Variants in APLF observed in about 807,000 individuals in gnomAD.
APLF encodes the protein aprataxin and PNK-like factor.
APLF carries 61 observed loss-of-function variants against 55.6 expected under a neutral mutation model. That is an observed-to-expected ratio of 1.10 (90% CI 0.89 to 1.36). The LOEUF (loss-of-function observed/expected upper bound fraction) is 1.36, where lower values mean the gene tolerates loss of function less well. Ranked by LOEUF, APLF falls within the 40% of genes most tolerant of loss-of-function variation. APLF has a pLI of 0.00. For missense variants in APLF, 611 were observed against 602.5 expected (o/e 1.01, Z -0.15); for synonymous variants, 207 against 214.8 (o/e 0.96, Z 0.32).
intron 6 of APLF, among the ~76,000 whole-genome samples, chr2:68,534,735 A>G (rs1165201038): frequency 6.6e-6 from 1 of 152,190 alleles, no homozygotes; most frequent in African/African-American, 2.4e-5. Context: ...TGTAAGAAAT[A>G]AGCAATGTGG....
At chr2:68,571,737 G>A (rs1029398751) in intron 9 of APLF, among the ~76,000 whole-genome samples, 21 of 151,998 alleles carry the variant, frequency 1.4e-4, no homozygotes, top group Admixed American at 7.9e-4. Flanking sequence ...GATGCCTCCA[G>A]CTTTGTTCTT....
chr2:68,483,371 A>C (rs79639954), intron 1 of APLF, among the ~76,000 whole-genome samples: 1 of 152,178 alleles, frequency 6.6e-6, no homozygotes, highest in East Asian at 1.9e-4. Context: ...GCTCCCAGCC[A>C]GTCTCACTGG....
chr2:68,496,949 T>C (rs1272511846), intron 2 of APLF, among the ~76,000 whole-genome samples: 1 of 152,234 alleles, frequency 6.6e-6, no homozygotes, highest in Non-Finnish European at 1.5e-5. Context: ...TCCAAACTTT[T>C]CTAACTGCTG....
At chr2:68,485,386 T>G (rs1352156754) in intron 1 of APLF, among the ~76,000 whole-genome samples, 1 of 152,166 alleles carries the variant, frequency 6.6e-6, no homozygotes, top group Non-Finnish European at 1.5e-5. Flanking sequence ...TTGTTGAAAA[T>G]ATTAAGTAGG....
chr2:68,472,008 C>T (rs1404945555), intron 1 of APLF, among the ~76,000 whole-genome samples: 1 of 152,106 alleles, frequency 6.6e-6, no homozygotes, highest in Admixed American at 6.5e-5. Context: ...GGCAGGACAA[C>T]CCAAAGCAGG....
chr2:68,544,428 C>A (rs568565044), intron 7 of APLF, among the ~76,000 whole-genome samples: 1 of 152,150 alleles, frequency 6.6e-6, no homozygotes, highest in East Asian at 1.9e-4. Flanking sequence ...GCATGAGAAG[C>A]CAAATGCCTT....
At chr2:68,478,132 A>C (rs1675836591) in intron 1 of APLF, among the ~76,000 whole-genome samples, 1 of 152,134 alleles carries the variant, frequency 6.6e-6, no homozygotes, top group Non-Finnish European at 1.5e-5. Flanking sequence ...TGATACTGGA[A>C]GTTCTCCCAA....
chr2:68,502,859 C>T lies in APLF; in HGVS notation c.297C>T (p.Arg99=), dbSNP rs766325302. Residue 99 remains arginine, a synonymous_variant, in exon 3 of 10, where the codon CGC becomes CGT. Coordinates refer to ENST00000303795, the MANE Select transcript of APLF (RefSeq NM_173545.3). ...TGTTAGTTGACAAATACATTTTCCG[C>T]ATTCTCTCTATACCCTCTGAAGTGG... is the stretch of plus-strand genomic sequence containing the variant. ...FSLLVDKYIF[R]ILSIPSEVEM... The T allele has an allele frequency of 2.1e-5, 34 of 1,606,598 alleles. 1 individual carries two copies. Among genetic ancestry groups the T allele is most frequent in the Non-Finnish European group, 2.4e-5 (28 of 1,177,478 alleles).
At chr2:68,542,612 A>C (rs1380044872) in intron 7 of APLF, among the ~76,000 whole-genome samples, 1 of 152,152 alleles carries the variant, frequency 6.6e-6, no homozygotes, top group East Asian at 1.9e-4. Context: ...ATCACCTCAC[A>C]CCTATTAGGG....
chr2:68,478,452 T>C (rs747875958), intron 1 of APLF, among the ~76,000 whole-genome samples: 1 of 152,184 alleles, frequency 6.6e-6, no homozygotes, highest in Non-Finnish European at 1.5e-5. Context: ...GACTCTAATA[T>C]GATTCAAGAA....
At chr2:68,565,554 CATAG>C (rs1312052935) in intron 8 of APLF, among the ~76,000 whole-genome samples, 77 of 151,448 alleles carry the variant, frequency 5.1e-4, no homozygotes, top group Middle Eastern at 3.4e-3. Flanking sequence ...TACATACATA[CATAG>C]ATAAAAGAAG....
chr2:68,540,163 C>T lies in APLF; in HGVS notation c.1160+1936C>T, dbSNP rs370403308. 1.1e-4 allele frequency among the ~76,000 whole-genome samples: 17 copies of T among 152,040 alleles called. 1 individual carries two copies. The East Asian group carries it at 1.6e-3, about 14-fold the overall frequency. On this transcript the variant is annotated intron_variant, in intron 7 of 9. Transcript: ENST00000303795. ...TCTCCTAATGCTATCCCTCCCCTTG[C>T]CCCCACCCCTCAACAGGCACCAGTA...
chr2:68,523,860 T>C (rs1007842460), intron 5 of APLF, among the ~76,000 whole-genome samples: 4 of 151,914 alleles, frequency 2.6e-5, no homozygotes, highest in African/African-American at 9.7e-5. Flanking sequence ...TTTTATATAC[T>C]CTTTGTGAAG....
chr2:68,523,423 G>C (rs1669948418), intron 5 of APLF, among the ~76,000 whole-genome samples: 3 of 151,864 alleles, frequency 2.0e-5, no homozygotes, highest in Admixed American at 2.0e-4. Flanking sequence ...CTTTGATCCA[G>C]AAATTGCAAT....
chr2:68,553,035 A>C (rs1215337783), intron 8 of APLF, among the ~76,000 whole-genome samples: 2 of 152,062 alleles, frequency 1.3e-5, no homozygotes, highest in African/African-American at 4.8e-5. Context: ...AGAAAGATTA[A>C]ATGAGCTGTG....
intron 3 of APLF, among the ~76,000 whole-genome samples, chr2:68,509,623 C>T (rs1676982968): frequency 6.6e-6 from 1 of 152,044 alleles, no homozygotes; most frequent in African/African-American, 2.4e-5. Flanking sequence ...GTTGGTGGGA[C>T]TGTAAACTAG....
intron 8 of APLF, among the ~76,000 whole-genome samples, chr2:68,561,773 C>T (rs1224663896): frequency 6.6e-6 from 1 of 151,882 alleles, no homozygotes; most frequent in Non-Finnish European, 1.5e-5. Flanking sequence ...ATAGCCATTC[C>T]CTGGAACATA....
chr2:68,490,624 AT>A (rs1676328900), intron 2 of APLF, among the ~76,000 whole-genome samples: 1 of 152,212 alleles, frequency 6.6e-6, no homozygotes, highest in Non-Finnish European at 1.5e-5. Context: ...ATAGGGTTAT[AT>A]TTTAACATAT....
intron 9 of APLF, among the ~76,000 whole-genome samples, chr2:68,567,717 G>A (rs1671345427): frequency 6.6e-6 from 1 of 152,068 alleles, no homozygotes; most frequent in Non-Finnish European, 1.5e-5. Flanking sequence ...GCTGGATTTA[G>A]ATAAGCTATA....
Sources: allele counts gnomAD v4.1 joint callset (sites outside exome capture counted in the v4.1 genomes callset), GRCh38; gene constraint gnomAD v4.1.1; transcripts MANE v1.5; gene names NCBI Gene and HGNC (gene_info 2026-07-23, HGNC 2026-07-21).